The following DECR1 variants were observed in gnomAD, a reference collection of about 807,000 sequenced individuals.
DECR1 encodes the protein 2,4-dienoyl-CoA reductase 1.
In DECR1, 44 loss-of-function variants were observed where a neutral mutation model predicts 38.8. That is an observed-to-expected ratio of 1.13 (90% CI 0.89 to 1.46). The LOEUF is 1.46. DECR1 is among the 40% of genes most tolerant of loss of function. The pLI is 0.00. For synonymous variants in DECR1, 148 were observed against 135.2 expected (o/e 1.09, Z -0.66); for missense variants, 428 against 405.5 (o/e 1.06, Z -0.48).
chr8:90,026,238 A>T (rs1813333595), intron 5 of DECR1, among the ~76,000 whole-genome samples: 1 of 152,218 alleles, frequency 6.6e-6, no homozygotes, highest in Non-Finnish European at 1.5e-5. Flanking sequence ...CTGGCCTCAT[A>T]AAATGAGTCA....
At position 90,017,247 on chromosome 8, in the gene DECR1, A is replaced by G; in HGVS notation, c.193A>G (p.Thr65Ala). ...TTTTCAAGGAAAAGTGGCATTCATTACTGGGGGAGGTACTGGCCTTGGTAA... is the reference window on the plus strand; with the variant it reads ...TTTTCAAGGAAAAGTGGCATTCATTGCTGGGGGAGGTACTGGCCTTGGTAA... ...NSFQGKVAFI[T>A]GGGTGLGKGM... is the part of the protein sequence containing the mutation. The change falls in exon 2 of 10, where the codon ACT becomes GCT. Residue 65 changes from threonine (T) to alanine (A), a missense_variant. Physicochemically the swap from Thr to Ala is moderately conservative, Grantham distance 58. Transcript: ENST00000220764. 6.2e-7 allele frequency: 1 copy of G among 1,614,230 alleles called. No homozygotes were observed. Among genetic ancestry groups the G allele is most frequent in the Non-Finnish European group, 8.5e-7 (1 of 1,180,034 alleles).
intron 6 of DECR1, among the ~76,000 whole-genome samples, chr8:90,039,890 T>G (rs1183730146): frequency 6.6e-6 from 1 of 152,230 alleles, no homozygotes; most frequent in Non-Finnish European, 1.5e-5. Context: ...ATGGTAAGTA[T>G]ATAATAAACA....
chr8:90,027,776 A>T lies in DECR1; in HGVS notation c.565+6720A>T, dbSNP rs540891132. Among the ~76,000 whole-genome samples the T allele has an allele frequency of 1.9e-4, 29 of 151,560 alleles. No homozygotes were observed. In the East Asian group the frequency reaches 1.9e-3, roughly 10 times the overall value. ...TCCTGTGATTATAGTTTTTTTTTTA[A>T]AAAAAAATCGTGAATAAGTATTGAA... On this transcript the variant is annotated intron_variant, in intron 5 of 9. Transcript: ENST00000220764.
intron 6 of DECR1, 27 bp downstream of exon 6, chr8:90,036,967 G>A: frequency 6.6e-7 from 1 of 1,516,252 alleles, no homozygotes; most frequent in Non-Finnish European, 9.1e-7. Context: ...CAATCCTGTT[G>A]CTGAACATAA....
intron 5 of DECR1, among the ~76,000 whole-genome samples, chr8:90,024,954 C>T (rs1586149634): frequency 6.6e-6 from 1 of 152,182 alleles, no homozygotes; most frequent in East Asian, 1.9e-4. Context: ...AGCCAGTTTT[C>T]CCAGCACCAT....
intron 1 of DECR1, among the ~76,000 whole-genome samples, chr8:90,014,310 A>G (rs1009157959): frequency 6.6e-6 from 1 of 152,198 alleles, no homozygotes; most frequent in African/African-American, 2.4e-5. Flanking sequence ...GGGATTGAAT[A>G]TGATGTGATC....
chr8:90,045,679 G>A lies in DECR1; in HGVS notation c.885+684G>A, dbSNP rs139676421. 9.6e-3 allele frequency among the ~76,000 whole-genome samples: 1,466 copies of A among 152,310 alleles called. 26 individuals are homozygous for A. The highest frequency in any genetic ancestry group is 0.034 in the African/African-American group (1,416 of 41,558). ...TGTCCCTGTCTGACAGCTTTGAAGA[G>A]AGTAGTGGTTCTCCCAGCATGGAGT... On this transcript the variant is annotated intron_variant, in intron 8 of 9. Transcript: ENST00000220764.
intron 4 of DECR1, among the ~76,000 whole-genome samples, chr8:90,020,314 T>G (rs1813120363): frequency 6.6e-6 from 1 of 152,198 alleles, no homozygotes; most frequent in Non-Finnish European, 1.5e-5. Flanking sequence ...TTTCTTGAGA[T>G]TCTTTGAAAT....
chr8:90,051,871 CT>C lies in DECR1; in HGVS notation c.983del (p.Leu328ProfsTer41). On this transcript the variant is annotated frameshift_variant, in exon 10 of 10. Coordinates refer to ENST00000220764, the MANE Select transcript of DECR1 (RefSeq NM_001359.2). LOFTEE classifies it high-confidence loss of function. ...GGAGCAGTGGGACACCATAGAAGAA[CT>C]CATCAGGAAGACAAAAGGTTCCTAA... is the stretch of plus-strand genomic sequence containing the variant. ...TKEQWDTIEE[L>X]IRKTKGS The C allele has an allele frequency of 6.2e-7, 1 of 1,613,746 alleles. No homozygotes were observed. The highest frequency in any genetic ancestry group is 2.2e-5 in the East Asian group (1 of 44,826).
At chr8:90,045,513 G>A (rs1157834323) in intron 8 of DECR1, among the ~76,000 whole-genome samples, 5 of 152,188 alleles carry the variant, frequency 3.3e-5, no homozygotes, top group African/African-American at 1.2e-4. Flanking sequence ...GCTTGAGTAG[G>A]TAAACAAAGT....
intron 1 of DECR1, chr8:90,015,537 C>A: frequency 2.6e-6 from 1 of 386,902 alleles, no homozygotes; most frequent in Non-Finnish European, 5.4e-6. Context: ...TGTGCAATTT[C>A]CAGGTGATGA....
At chr8:90,020,048 G>A (rs958197644) in intron 4 of DECR1, among the ~76,000 whole-genome samples, 1 of 152,192 alleles carries the variant, frequency 6.6e-6, no homozygotes, top group Non-Finnish European at 1.5e-5. Context: ...AAAACTATAA[G>A]AAATTCAAAA....
chr8:90,016,492 G>A (rs541544486), intron 1 of DECR1, among the ~76,000 whole-genome samples: 3 of 152,042 alleles, frequency 2.0e-5, no homozygotes, highest in East Asian at 3.9e-4. Flanking sequence ...AAAATTTAAC[G>A]GCGTGGTGGT....
intron 5 of DECR1, among the ~76,000 whole-genome samples, chr8:90,027,606 G>A (rs1813382982): frequency 1.3e-5 from 2 of 151,964 alleles, no homozygotes; most frequent in African/African-American, 4.8e-5. Context: ...TTGAGCCTAT[G>A]TGTGTCTCTG....
At chr8:90,007,234 G>A (rs1936383575) in intron 1 of DECR1, among the ~76,000 whole-genome samples, 1 of 152,122 alleles carries the variant, frequency 6.6e-6, no homozygotes, top group Admixed American at 6.5e-5. Context: ...TGAGGCAGAA[G>A]AGAGGGACAG....
chr8:90,021,554 GAA>G (rs1360733998), intron 5 of DECR1, among the ~76,000 whole-genome samples: 1 of 152,180 alleles, frequency 6.6e-6, no homozygotes, highest in African/African-American at 2.4e-5. Flanking sequence ...AATTCTGAAA[GAA>G]ATAGGAAGTA....
intron 4 of DECR1, among the ~76,000 whole-genome samples, chr8:90,020,130 G>C (rs940970306): frequency 3.3e-5 from 5 of 152,166 alleles, no homozygotes; most frequent in African/African-American, 1.2e-4. Context: ...GAGAGAAGCC[G>C]TTTCTTCCAG....
At position 90,001,558 on chromosome 8, in the gene DECR1, G is replaced by C. The variant is rs570029400; in HGVS notation, c.66G>C (p.Arg22=). 1.2e-6 allele frequency: 2 copies of C among 1,612,810 alleles called. No homozygotes were observed. The highest frequency in any genetic ancestry group is 1.3e-5 in the African/African-American group (1 of 75,014). ...GSRLPCGLAP[R]RFFSYGTKIL... is the part of the protein sequence containing the mutation. The stretch of plus-strand genomic sequence containing the variant: ...GGCTGCCCTGTGGCCTCGCTCCTCG[G>C]AGGGTAAGGCGGCCGGGGGCGCGGG... Residue 22 remains arginine, a synonymous_variant, in exon 1 of 10, where the codon CGG becomes CGC. Transcript: ENST00000220764.
intron 8 of DECR1, among the ~76,000 whole-genome samples, chr8:90,050,958 A>G (rs944505782): frequency 2.0e-5 from 3 of 152,152 alleles, no homozygotes; most frequent in Admixed American, 1.3e-4. Flanking sequence ...CTCACTCATA[A>G]GTGGGAATTG....
Sources: allele counts gnomAD v4.1 joint callset (sites outside exome capture counted in the v4.1 genomes callset), GRCh38; gene constraint gnomAD v4.1.1; transcripts MANE v1.5; gene names NCBI Gene and HGNC (gene_info 2026-07-23, HGNC 2026-07-21).